The following ZNF608 variants were observed in gnomAD, a reference collection of about 807,000 sequenced individuals.
ZNF608 encodes the protein renal carcinoma antigen NY-REN-36.
In ZNF608, 12 loss-of-function variants were observed where a neutral mutation model predicts 109.0. That is an observed-to-expected ratio of 0.11 (90% CI 0.07 to 0.18). The LOEUF (loss-of-function observed/expected upper bound fraction) is 0.18, where lower values mean the gene tolerates loss of function less well. Ranked by LOEUF, ZNF608 falls within the 10% of genes least tolerant of loss-of-function variation. The pLI is 1.00. For missense variants in ZNF608, 1,707 were observed against 1,879.3 expected, an observed-to-expected ratio of 0.91 and a Z score of 1.70; for synonymous variants, 732 against 717.4, an observed-to-expected ratio of 1.02 and a Z score of -0.33.
chr5:124,745,181 G>GT lies in ZNF608; in HGVS notation c.-183-10_-183-9insA. 7.5e-7 allele frequency: 1 copy of GT among 1,329,268 alleles called. No individual in the cohort carries two copies. The allele number at this position is 1,329,268 out of a possible 1,614,324, so 82.3% of individuals were successfully genotyped here. ...TCCAGGTCCACCTTTTCCTGTGAAG[G>GT]GGGGGGGAAAAGTCGAATATTTCTT... On this transcript the variant is annotated splice_polypyrimidine_tract_variant and intron_variant, in intron 1 of 9. Coordinates refer to ENST00000513986, the MANE Select transcript of ZNF608 (RefSeq NM_020747.3).
At chr5:124,656,636 A>T (rs184426415) in intron 3 of ZNF608, among the ~76,000 whole-genome samples, 6 of 152,272 alleles carry the variant, frequency 3.9e-5, no homozygotes, top group African/African-American at 1.2e-4. Context: ...CAATGGAAAA[A>T]TGCTGTTCTA....
chr5:124,700,396 T>C (rs1163449026), intron 3 of ZNF608, among the ~76,000 whole-genome samples: 1 of 152,270 alleles, frequency 6.6e-6, no homozygotes, highest in Non-Finnish European at 1.5e-5. Flanking sequence ...CCTTTGAACC[T>C]TGTTTCTCTT....
chr5:124,643,395 C>T (rs1184033670), intron 7 of ZNF608, 116 bp downstream of exon 7: 2 of 949,100 alleles, frequency 2.1e-6, no homozygotes, highest in Non-Finnish European at 3.2e-6. Context: ...GATAAAACAG[C>T]ATCCTGAAAT....
Position 124,651,644 on chromosome 5 carries a change from A to G in ZNF608, c.1163-1947T>C, listed in dbSNP as rs1031494688. ...AAAATTAAAAACAGGAAAAGTCTGC[A>G]CAGACACTTAACATTTGTCTGCAGT... is the stretch of plus-strand genomic sequence containing the variant. On this transcript the variant is annotated intron_variant, in intron 3 of 9. Coordinates refer to ENST00000513986, the MANE Select transcript of ZNF608 (RefSeq NM_020747.3). 2.0e-5 allele frequency among the ~76,000 whole-genome samples: 3 copies of G among 152,390 alleles called. No individual in the cohort carries two copies. In the South Asian group the frequency reaches 6.2e-4, roughly 32 times the overall value.
chr5:124,669,513 C>T (rs1350556622), intron 3 of ZNF608, among the ~76,000 whole-genome samples: 5 of 152,192 alleles, frequency 3.3e-5, no homozygotes, highest in Non-Finnish European at 7.3e-5. Flanking sequence ...CTGTCCCTGC[C>T]AAGTGAACGC....
At chr5:124,689,297 T>A (rs2149835058) in intron 3 of ZNF608, among the ~76,000 whole-genome samples, 1 of 152,066 alleles carries the variant, frequency 6.6e-6, no homozygotes, top group Admixed American at 6.5e-5. Context: ...AAATTTTTTT[T>A]AATTAGCCAG....
In ZNF608 at chr5:124,725,100, C is replaced by T. The variant is rs10075535; in HGVS notation, c.906+18984G>A. Among the ~76,000 whole-genome samples, 551 of 152,128 alleles carry T rather than the reference C, an allele frequency of 3.6e-3. 5 individuals carry two copies. The highest frequency in any genetic ancestry group is 0.012 in the African/African-American group (505 of 41,494). On this transcript the variant is annotated intron_variant, in intron 2 of 9. Transcript: ENST00000513986. ...ATACACTCTCCCTCTCCTCGACCCC[C>T]GGGGGGATTGTACACAGGTCCTGGG...
At position 124,649,606 on chromosome 5, in the gene ZNF608, A is replaced by T. The variant is rs771330478; in HGVS notation, c.1250+4T>A. 1 of 1,610,256 alleles carries T rather than the reference A, an allele frequency of 6.2e-7. No individual in the cohort carries two copies. Among genetic ancestry groups the T allele is most frequent in the South Asian group, 1.1e-5 (1 of 90,552 alleles). ...AGGAGAGAAATAAAAGGCCCTGTTC[A>T]TACCTGGGAGGGGCCCAGTCGTGCT... On this transcript the variant is annotated splice_donor_region_variant and intron_variant, in intron 4 of 9. Transcript: ENST00000513986.
chr5:124,692,624 A>T (rs978204695), intron 3 of ZNF608, among the ~76,000 whole-genome samples: 6 of 152,228 alleles, frequency 3.9e-5, no homozygotes, highest in Admixed American at 1.3e-4. Context: ...TAAAATAGAC[A>T]GGAACTTTTG....
intron 2 of ZNF608, among the ~76,000 whole-genome samples, chr5:124,716,142 C>CAAAA (rs1232356378): frequency 3.9e-3 from 284 of 73,696 alleles, no homozygotes; most frequent in Middle Eastern, 8.9e-3. Context: ...GAATCCGTCT[C>CAAAA]AAAAAAAAAA....
chr5:124,704,237 T>C (rs1753168184), intron 2 of ZNF608, among the ~76,000 whole-genome samples: 1 of 152,186 alleles, frequency 6.6e-6, no homozygotes, highest in Admixed American at 6.5e-5. Context: ...AACCTGACAG[T>C]TACTATTGTT....
intron 3 of ZNF608, among the ~76,000 whole-genome samples, chr5:124,699,265 A>G (rs1297688150): frequency 2.0e-5 from 3 of 152,164 alleles, no homozygotes; most frequent in Admixed American, 6.5e-5. Context: ...AAACTGCACA[A>G]CCCAAGAGAA....
intron 3 of ZNF608, among the ~76,000 whole-genome samples, chr5:124,650,928 C>T (rs1226357463): frequency 2.0e-5 from 3 of 152,180 alleles, no homozygotes; most frequent in East Asian, 1.9e-4. Flanking sequence ...TCCTTGGGAA[C>T]CTTTTAACAG....
chr5:124,717,067 A>T (rs1285749013), intron 2 of ZNF608, among the ~76,000 whole-genome samples: 1 of 151,458 alleles, frequency 6.6e-6, no homozygotes, highest in East Asian at 2.0e-4. Context: ...GGGCGACAAC[A>T]GCAAAACTCC....
chr5:124,739,939 C>A (rs529510043), intron 2 of ZNF608, among the ~76,000 whole-genome samples: 2 of 152,236 alleles, frequency 1.3e-5, no homozygotes, highest in African/African-American at 4.8e-5. Flanking sequence ...CTATAAAATG[C>A]TGCTTAGGAA....
Position 124,643,653 on chromosome 5 carries a change from G to A in ZNF608, c.4154C>T (p.Pro1385Leu), listed in dbSNP as rs1323103654. Reference protein sequence around the residue: ...GAYLSPGFHYPVYGKMSGREE... With the variant: ...GAYLSPGFHYLVYGKMSGREE... ...TCTCCCTGACATCTTCCCATAAACAGGATAATGAAATCCTGGAGAGAGATA... is the reference window on the plus strand; with the variant it reads ...TCTCCCTGACATCTTCCCATAAACAAGATAATGAAATCCTGGAGAGAGATA... The change falls in exon 7 of 10, where the codon CCT becomes CTT. Residue 1385 changes from proline (P) to leucine (L), a missense_variant. Around this residue, in one of 7 missense-constraint regions of ZNF608, gnomAD observed 1,073 missense variants for 1,133.5 expected, o/e 0.95. Coordinates refer to ENST00000513986, the MANE Select transcript of ZNF608 (RefSeq NM_020747.3). The A allele has an allele frequency of 1.2e-6, 2 of 1,614,048 alleles. No homozygotes were observed. The highest frequency in any genetic ancestry group is 1.7e-5 in the Admixed American group (1 of 60,012).
At chr5:124,671,492 C>A (rs1172342781) in intron 3 of ZNF608, among the ~76,000 whole-genome samples, 5 of 152,180 alleles carry the variant, frequency 3.3e-5, no homozygotes, top group African/African-American at 2.4e-5. Flanking sequence ...AATTTCTCAA[C>A]CTTCTCTTCT....
intron 3 of ZNF608, among the ~76,000 whole-genome samples, chr5:124,675,915 G>T (rs1438813069): frequency 6.6e-6 from 1 of 152,186 alleles, no homozygotes; most frequent in Non-Finnish European, 1.5e-5. Flanking sequence ...GAAGTAATAG[G>T]AGAGAGACTA....
At chr5:124,638,836 T>A in intron 9 of ZNF608, 3 of 1,135,046 alleles carry the variant, frequency 2.6e-6, no homozygotes, top group East Asian at 5.1e-5. Flanking sequence ...TTAAACATAA[T>A]AAAACAAAGG....
Sources: gnomAD v4.1 joint callset for allele counts (sites outside exome capture counted in the v4.1 genomes callset) on GRCh38, gnomAD v4.1.1 for gene constraint, gnomAD v4.1.1 regional missense constraint, MANE v1.5 for transcripts, NCBI Gene and HGNC (gene_info 2026-07-23, HGNC 2026-07-21) for gene names.